The following LRRTM4 variants were observed in gnomAD, a reference collection of about 807,000 sequenced individuals.
The protein encoded by LRRTM4 is leucine-rich repeat transmembrane neuronal protein 4.
In LRRTM4, 25 loss-of-function variants were observed where a neutral mutation model predicts 47.6. The ratio of observed to expected loss-of-function variants is 0.53; its 90% CI spans 0.38 to 0.73. LRRTM4 has a LOEUF of 0.73. Ranked by LOEUF, LRRTM4 falls within the 30% of genes least tolerant of loss-of-function variation. The pLI is 0.00. For missense variants in LRRTM4, 638 were observed against 713.4 expected (o/e 0.89, Z 1.20); for synonymous variants, 311 against 269.5 (o/e 1.15, Z -1.51).
intron 3 of LRRTM4, among the ~76,000 whole-genome samples, chr2:76,773,260 T>C (rs1237547331): frequency 7.9e-5 from 12 of 152,260 alleles, no homozygotes; most frequent in Non-Finnish European, 2.9e-5. Context: ...ATCACATTTA[T>C]CATTCTCCAC....
intron 3 of LRRTM4, among the ~76,000 whole-genome samples, chr2:77,206,089 TA>T (rs1397530778): frequency 6.6e-6 from 1 of 151,904 alleles, no homozygotes; most frequent in Admixed American, 6.6e-5. Flanking sequence ...CGACCCCAAC[TA>T]CCTTGGCCTT....
In LRRTM4 at chr2:77,361,244, A is replaced by G. The variant is rs1049485629; in HGVS notation, c.1551+157074T>C. ...TCTCTCCTCCTTCATTAAAAAAAAA[A>G]AAAATTGGGTAGTAACTTTTTAAAA... On this transcript the variant is annotated intron_variant, in intron 3 of 3. Coordinates refer to ENST00000409884, the MANE Select transcript of LRRTM4 (RefSeq NM_001134745.3). Among the ~76,000 whole-genome samples, 3 of 152,162 alleles carry G rather than the reference A, an allele frequency of 2.0e-5. No homozygotes were observed. The East Asian group carries it at 5.8e-4, about 29-fold the overall frequency.
intron 3 of LRRTM4, among the ~76,000 whole-genome samples, chr2:77,089,603 T>C (rs1680860548): frequency 6.6e-6 from 1 of 151,708 alleles, no homozygotes; most frequent in Non-Finnish European, 1.5e-5. Flanking sequence ...TTCTCTACTC[T>C]CTCTTTTCTC....
chr2:77,142,322 T>C (rs990776377), intron 3 of LRRTM4, among the ~76,000 whole-genome samples: 2 of 152,086 alleles, frequency 1.3e-5, no homozygotes, highest in African/African-American at 4.8e-5. Flanking sequence ...GACTGAATTC[T>C]TGTTCTTGTT....
In LRRTM4 at chr2:76,996,643, G is replaced by A. The variant is rs137982373; in HGVS notation, c.1552-247727C>T. On this transcript the variant is annotated intron_variant, in intron 3 of 3. Transcript: ENST00000409884. ...TCTCTTGCCTAGAAATATGAAAAAT[G>A]TCATAAGCATTTATGACCACAGTAG... Among the ~76,000 whole-genome samples the A allele has an allele frequency of 3.7e-3, 570 of 152,202 alleles. 1 individual carries two copies. Among genetic ancestry groups the A allele is most frequent in the African/African-American group, 0.013 (545 of 41,558 alleles).
chr2:77,051,586 A>T (rs935150322), intron 3 of LRRTM4, among the ~76,000 whole-genome samples: 2 of 152,276 alleles, frequency 1.3e-5, no homozygotes, highest in East Asian at 3.9e-4. Flanking sequence ...CATGTGTGTG[A>T]GTGTGCTCCT....
chr2:76,838,637 C>G (rs1339977637), intron 3 of LRRTM4, among the ~76,000 whole-genome samples: 1 of 152,068 alleles, frequency 6.6e-6, no homozygotes, highest in Non-Finnish European at 1.5e-5. Flanking sequence ...TTAACACTTA[C>G]TGTGTTCTGA....
chr2:76,809,991 TTCTC>T (rs1670685689), intron 3 of LRRTM4, among the ~76,000 whole-genome samples: 1 of 152,230 alleles, frequency 6.6e-6, no homozygotes, highest in Non-Finnish European at 1.5e-5. Context: ...CTGTGACTTG[TTCTC>T]CATTCTGCTT....
rs556695556 is a variant in LRRTM4 at position 77,125,236 on chromosome 2, C to T, written c.1552-376320G>A. Among the ~76,000 whole-genome samples, 18 of 152,164 alleles carry T rather than the reference C, an allele frequency of 1.2e-4. 2 individuals are homozygous for T. Among genetic ancestry groups the T allele is most frequent in the African/African-American group, 3.1e-4 (13 of 41,520 alleles). On this transcript the variant is annotated intron_variant, in intron 3 of 3. Transcript: ENST00000409884. Reference sequence around the variant, plus strand: ...TCACAAAAGAAATCCATATTTAGGACGTCATCTGTGAAATAATTGTCCTTC... The same window carrying T: ...TCACAAAAGAAATCCATATTTAGGATGTCATCTGTGAAATAATTGTCCTTC...
intron 3 of LRRTM4, among the ~76,000 whole-genome samples, chr2:77,154,337 A>G (rs920085556): frequency 6.6e-6 from 1 of 152,216 alleles, no homozygotes; most frequent in African/African-American, 2.4e-5. Flanking sequence ...AGAATTTTAT[A>G]AAATGCAGCT....
At chr2:77,038,510 A>G (rs1321747212) in intron 3 of LRRTM4, among the ~76,000 whole-genome samples, 4 of 151,518 alleles carry the variant, frequency 2.6e-5, no homozygotes, top group Non-Finnish European at 3.0e-5. Context: ...AGCATTGTGT[A>G]TGTCACATGC....
chr2:77,514,738 A>G (rs1277772384), intron 3 of LRRTM4, among the ~76,000 whole-genome samples: 2 of 151,990 alleles, frequency 1.3e-5, no homozygotes, highest in South Asian at 2.1e-4. Flanking sequence ...TTAATGTACA[A>G]AACAAACTAC....
intron 3 of LRRTM4, among the ~76,000 whole-genome samples, chr2:77,398,177 T>C (rs559006325): frequency 1.3e-5 from 2 of 152,010 alleles, no homozygotes; most frequent in East Asian, 3.9e-4. Flanking sequence ...CTTCTAATTG[T>C]ATTATGACTT....
At chr2:76,899,499 G>A (rs1188725174) in intron 3 of LRRTM4, among the ~76,000 whole-genome samples, 1 of 151,994 alleles carries the variant, frequency 6.6e-6, no homozygotes, top group Non-Finnish European at 1.5e-5. Flanking sequence ...AATAGAAAGA[G>A]GTGACAAATA....
At chr2:76,877,121 A>C (rs1177120736) in intron 3 of LRRTM4, among the ~76,000 whole-genome samples, 1 of 152,144 alleles carries the variant, frequency 6.6e-6, no homozygotes, top group Admixed American at 6.5e-5. Flanking sequence ...TTTTTGTAAG[A>C]GCGGGAAGTA....
intron 3 of LRRTM4, among the ~76,000 whole-genome samples, chr2:76,973,612 T>C (rs1676296285): frequency 6.6e-6 from 1 of 151,980 alleles, no homozygotes; most frequent in African/African-American, 2.4e-5. Flanking sequence ...TTACTTCTGA[T>C]GAGCTCTAAT....
chr2:77,272,880 C>A (rs1676243091), intron 3 of LRRTM4, among the ~76,000 whole-genome samples: 1 of 152,108 alleles, frequency 6.6e-6, no homozygotes, highest in South Asian at 2.1e-4. Flanking sequence ...TCACATATTC[C>A]TTTATAGCAA....
intron 3 of LRRTM4, among the ~76,000 whole-genome samples, chr2:77,160,051 C>T (rs1672669971): frequency 6.6e-6 from 1 of 152,174 alleles, no homozygotes; most frequent in Admixed American, 6.5e-5. Context: ...GGTGTGGTGT[C>T]TATTCACTCT....
chr2:77,304,836 T>A lies in LRRTM4; in HGVS notation c.1551+213482A>T, dbSNP rs150988733. On this transcript the variant is annotated intron_variant, in intron 3 of 3. Coordinates refer to ENST00000409884, the MANE Select transcript of LRRTM4 (RefSeq NM_001134745.3). Reference sequence around the variant, plus strand: ...GGCTTCAAGTAATTGATTACCTTTTTTGGGATCACACAGTTAGTCCAAGGT... The same window carrying A: ...GGCTTCAAGTAATTGATTACCTTTTATGGGATCACACAGTTAGTCCAAGGT... 1.9e-4 allele frequency among the ~76,000 whole-genome samples: 29 copies of A among 152,236 alleles called. No homozygotes were observed. The East Asian group carries it at 5.6e-3, about 29-fold the overall frequency.
Sources: allele counts gnomAD v4.1 joint callset (sites outside exome capture counted in the v4.1 genomes callset), GRCh38; gene constraint gnomAD v4.1.1; transcripts MANE v1.5; gene names NCBI Gene and HGNC (gene_info 2026-07-23, HGNC 2026-07-21).